The following WDR49 variants were observed in gnomAD, a reference collection of about 807,000 sequenced individuals.
WDR49 encodes WD repeat domain 49.
In WDR49, 107 loss-of-function variants were observed where a neutral mutation model predicts 119.5. That is an observed-to-expected ratio of 0.90 (90% CI 0.77 to 1.05). The LOEUF (loss-of-function observed/expected upper bound fraction) is 1.05, where lower values mean the gene tolerates loss of function less well. Among genes scored for constraint, WDR49 ranks in the 50% least tolerant of loss-of-function variants. WDR49 has a pLI of 0.00. For missense variants in WDR49, 1,240 were observed against 1,220.5 expected (o/e 1.02, Z -0.24); for synonymous variants, 425 against 418.8 (o/e 1.01, Z -0.18).
intron 2 of WDR49, among the ~76,000 whole-genome samples, chr3:167,651,503 C>T (rs1281561736): frequency 2.6e-5 from 4 of 152,080 alleles, no homozygotes; most frequent in African/African-American, 9.7e-5. Flanking sequence ...ATCATGTTGG[C>T]TCAAAGGTCT....
At chr3:167,529,819 C>T (rs1438388392) in intron 13 of WDR49, among the ~76,000 whole-genome samples, 1 of 152,076 alleles carries the variant, frequency 6.6e-6, no homozygotes, top group African/African-American at 2.4e-5. Context: ...CTAGAACTAA[C>T]CTTTTCATTT....
In WDR49 at chr3:167,640,794, G is replaced by A. The variant is rs190194810; in HGVS notation, c.165+12467C>T. Among the ~76,000 whole-genome samples the A allele has an allele frequency of 5.9e-4, 90 of 151,758 alleles. 1 individual carries two copies. Among genetic ancestry groups the A allele is most frequent in the African/African-American group, 2.0e-3 (82 of 41,454 alleles). On this transcript the variant is annotated intron_variant, in intron 2 of 18. Transcript: ENST00000682715. ...CAGAGGGAGAGAGAAGGAAATGGTG[G>A]TTGAAATGGGAGGTGGAAAGGATGG...
chr3:167,588,317 T>C (rs1456196255), intron 7 of WDR49, among the ~76,000 whole-genome samples: 1 of 152,222 alleles, frequency 6.6e-6, no homozygotes, highest in East Asian at 1.9e-4. Flanking sequence ...TACTCTACTG[T>C]TTGTAAATAC....
At chr3:167,593,944 C>A (rs1474427549) in intron 7 of WDR49, among the ~76,000 whole-genome samples, 1 of 152,156 alleles carries the variant, frequency 6.6e-6, no homozygotes. Flanking sequence ...GCCTCTCCTG[C>A]TACCATGTAA....
intron 7 of WDR49, among the ~76,000 whole-genome samples, chr3:167,594,558 C>G (rs1261796844): frequency 6.6e-6 from 1 of 152,102 alleles, no homozygotes; most frequent in Non-Finnish European, 1.5e-5. Flanking sequence ...AAGAGATAGT[C>G]TGAAGTTGGA....
chr3:167,491,846 G>C (rs1751145119), intron 18 of WDR49, among the ~76,000 whole-genome samples: 1 of 152,114 alleles, frequency 6.6e-6, no homozygotes, highest in African/African-American at 2.4e-5. Context: ...AAAGTGTGAA[G>C]AAAGATGTTT....
rs1553862482 is a variant in WDR49, at chr3:167,522,009, G to GATAGATAGATATATAT, written c.2774+305_2774+306insATATATATCTATCTAT. Among the ~76,000 whole-genome samples the GATAGATAGATATATAT allele has an allele frequency of 2.4e-4, 34 of 144,172 alleles. No homozygotes were observed. The East Asian group carries it at 3.1e-3, about 13-fold the overall frequency. 94.6% of individuals were successfully genotyped at this position (144,172 alleles called of 152,430 possible). On this transcript the variant is annotated intron_variant, in intron 16 of 18. Transcript: ENST00000682715. ...AGATAGATAGATAGATAGATAGATA[G>GATAGATAGATATATAT]ATAGATAGATTGTTTTTGAAGAAAG...
At chr3:167,550,109 GT>G (rs1560281157) in intron 10 of WDR49, among the ~76,000 whole-genome samples, 1 of 152,146 alleles carries the variant, frequency 6.6e-6, no homozygotes, top group Non-Finnish European at 1.5e-5. Flanking sequence ...TTGTAGTATA[GT>G]TTGAAGTCAG....
At chr3:167,518,166 C>T (rs1008011411) in intron 16 of WDR49, among the ~76,000 whole-genome samples, 22 of 151,836 alleles carry the variant, frequency 1.4e-4, no homozygotes, top group African/African-American at 5.3e-4. Flanking sequence ...CAAGTCTTTG[C>T]TATTGTGAAT....
chr3:167,513,292 AG>A (rs1197255386), intron 16 of WDR49, among the ~76,000 whole-genome samples: 1 of 151,972 alleles, frequency 6.6e-6, no homozygotes, highest in East Asian at 1.9e-4. Flanking sequence ...GATTGGGGGG[AG>A]GGGGCCAATA....
At chr3:167,586,944 T>C (rs1714849350) in intron 7 of WDR49, among the ~76,000 whole-genome samples, 1 of 152,170 alleles carries the variant, frequency 6.6e-6, no homozygotes, top group Non-Finnish European at 1.5e-5. Context: ...AATGACAAAA[T>C]ATCTGATACT....
chr3:167,481,590 C>T (rs908096373), intron 18 of WDR49, among the ~76,000 whole-genome samples: 4 of 152,060 alleles, frequency 2.6e-5, no homozygotes, highest in African/African-American at 9.7e-5. Flanking sequence ...TGTATTAATT[C>T]GCTTTCACAC....
chr3:167,624,192 G>A (rs1401275215), intron 3 of WDR49, among the ~76,000 whole-genome samples: 1 of 151,722 alleles, frequency 6.6e-6, no homozygotes, highest in South Asian at 2.1e-4. Flanking sequence ...ATAAATGCAG[G>A]CCTTTTAAAA....
chr3:167,555,230 G>T (rs1382944612), intron 9 of WDR49, among the ~76,000 whole-genome samples: 2 of 152,036 alleles, frequency 1.3e-5, no homozygotes, highest in East Asian at 3.9e-4. Flanking sequence ...CTGTGTAATG[G>T]AGCCTCCATA....
At chr3:167,649,536 T>C (rs1718276352) in intron 2 of WDR49, among the ~76,000 whole-genome samples, 1 of 152,164 alleles carries the variant, frequency 6.6e-6, no homozygotes, top group African/African-American at 2.4e-5. Context: ...TTAAATGTAA[T>C]TGTATTACCC....
chr3:167,633,712 TACATAGACAC>T (rs1717481897), intron 2 of WDR49, among the ~76,000 whole-genome samples: 1 of 152,042 alleles, frequency 6.6e-6, no homozygotes, highest in South Asian at 2.1e-4. Context: ...TACATATACA[TACATAGACAC>T]ACATCTTTAA....
intron 7 of WDR49, among the ~76,000 whole-genome samples, chr3:167,591,586 T>C (rs1715109627): frequency 6.6e-6 from 1 of 152,124 alleles, no homozygotes; most frequent in South Asian, 2.1e-4. Context: ...GGTGCTCCCG[T>C]TTTGGGTACA....
chr3:167,484,412 T>C (rs949850076), intron 18 of WDR49, among the ~76,000 whole-genome samples: 10 of 152,056 alleles, frequency 6.6e-5, no homozygotes, highest in Non-Finnish European at 1.0e-4. Context: ...AACCTGCAGG[T>C]TGTACACATG....
chr3:167,652,204 A>G (rs1272798790), intron 2 of WDR49, among the ~76,000 whole-genome samples: 1 of 152,186 alleles, frequency 6.6e-6, no homozygotes, highest in Non-Finnish European at 1.5e-5. Context: ...ACTAAATATG[A>G]TAAGTTCTAT....
Sources: allele counts gnomAD v4.1 joint callset (sites outside exome capture counted in the v4.1 genomes callset), GRCh38; gene constraint gnomAD v4.1.1; transcripts MANE v1.5; gene names NCBI Gene and HGNC (gene_info 2026-07-23, HGNC 2026-07-21).